GXYLT2: variants seen among roughly 807,000 people sequenced by gnomAD.
GXYLT2 encodes the protein glycosyltransferase 8 domain containing 4.
A neutral mutation model predicts 45.8 loss-of-function variants in GXYLT2; 53 were observed. The ratio of observed to expected loss-of-function variants is 1.16; its 90% CI spans 0.93 to 1.46. The LOEUF is 1.46. GXYLT2 is among the 40% of genes most tolerant of loss of function. The probability of loss-of-function intolerance (pLI) is 0.00; values close to 1 mark genes in which losing one functional copy is unlikely to be tolerated. For missense variants in GXYLT2, 551 were observed against 544.4 expected (o/e 1.01, Z -0.12); for synonymous variants, 219 against 214.2 (o/e 1.02, Z -0.19).
chr3:72,894,841 C>A (rs1709255097), intron 1 of GXYLT2, among the ~76,000 whole-genome samples: 1 of 152,210 alleles, frequency 6.6e-6, no homozygotes, highest in East Asian at 1.9e-4. Flanking sequence ...CTGCCCAGCC[C>A]TTCCCCACTG....
At chr3:72,924,262 T>C (rs1709880155) in intron 3 of GXYLT2, among the ~76,000 whole-genome samples, 1 of 151,258 alleles carries the variant, frequency 6.6e-6, no homozygotes, top group Non-Finnish European at 1.5e-5. Context: ...GGTGCAGTCA[T>C]GGCTTACTGC....
In GXYLT2 at chr3:72,888,466, G is replaced by T; in HGVS notation, c.233G>T (p.Arg78Leu). ...CGCCGGCCCCCGCGTCCGCGCCCCC[G>T]AGCGGGCCGCCGGGGCGCTGCGAGA... ...RRRRPPRPRP[R>L]AGRRGAARLE... is the part of the protein sequence containing the mutation. The change falls in exon 1 of 7, where the codon CGA becomes CTA. Residue 78 changes from arginine (R) to leucine (L), a missense_variant. Physicochemically the swap from Arg to Leu is moderately radical, Grantham distance 102 (BLOSUM62 -2). Transcript: ENST00000389617. 2 of 1,244,016 alleles carry T rather than the reference G, an allele frequency of 1.6e-6. No homozygotes were observed. The highest frequency in any genetic ancestry group is 2.5e-5 in the South Asian group (1 of 40,134). 77.1% of individuals were successfully genotyped at this position (1,244,016 alleles called of 1,614,324 possible). A position where few individuals can be genotyped will look rare whatever the true frequency, so the allele number is the denominator to read the frequency against.
At chr3:72,919,012 A>G (rs975464284) in intron 2 of GXYLT2, among the ~76,000 whole-genome samples, 2 of 152,196 alleles carry the variant, frequency 1.3e-5, no homozygotes, top group African/African-American at 4.8e-5. Context: ...GAGCAACAGG[A>G]ACTCTCATTC....
At chr3:72,889,876 C>T (rs983187636) in intron 1 of GXYLT2, among the ~76,000 whole-genome samples, 1 of 151,394 alleles carries the variant, frequency 6.6e-6, no homozygotes, top group Non-Finnish European at 1.5e-5. Context: ...ACCTTCCCCC[C>T]CACCGCTGTT....
At chr3:72,909,024 C>A (rs997425440) in intron 2 of GXYLT2, among the ~76,000 whole-genome samples, 3 of 151,650 alleles carry the variant, frequency 2.0e-5, no homozygotes, top group African/African-American at 7.3e-5. Context: ...CCATGCCCAG[C>A]CCCCGTTTTT....
intron 3 of GXYLT2, among the ~76,000 whole-genome samples, chr3:72,947,207 A>G (rs951447651): frequency 8.5e-5 from 13 of 152,104 alleles, no homozygotes; most frequent in African/African-American, 3.1e-4. Flanking sequence ...TATCTAAGCA[A>G]AGACAAAGAT....
At chr3:72,949,763 T>A (rs1710481268) in intron 3 of GXYLT2, among the ~76,000 whole-genome samples, 1 of 152,022 alleles carries the variant, frequency 6.6e-6, no homozygotes, top group Admixed American at 6.6e-5. Context: ...TCCGCTCGCC[T>A]TAGCCTCCCA....
intron 3 of GXYLT2, among the ~76,000 whole-genome samples, chr3:72,946,600 C>T (rs1710411945): frequency 6.6e-6 from 1 of 152,138 alleles, no homozygotes; most frequent in Admixed American, 6.6e-5. Flanking sequence ...CCGTGTCCTC[C>T]TGTGGTGGAA....
intron 3 of GXYLT2, among the ~76,000 whole-genome samples, chr3:72,943,684 C>A (rs948711219): frequency 6.6e-6 from 1 of 150,936 alleles, no homozygotes; most frequent in African/African-American, 2.4e-5. Context: ...CCTCTTTTTC[C>A]TGTTCTTTAT....
chr3:72,921,767 T>C (rs911909750), intron 2 of GXYLT2, among the ~76,000 whole-genome samples: 2 of 152,220 alleles, frequency 1.3e-5, no homozygotes, highest in Non-Finnish European at 2.9e-5. Context: ...AGTTCTGTCA[T>C]ACTTAATTGT....
chr3:72,936,957 A>G (rs529159921), intron 3 of GXYLT2, among the ~76,000 whole-genome samples: 6 of 152,340 alleles, frequency 3.9e-5, no homozygotes, highest in African/African-American at 1.4e-4. Context: ...ACACAGAGGT[A>G]TATACCTACA....
intron 1 of GXYLT2, 191 bp from the exon 2 acceptor site, chr3:72,908,176 G>T: frequency 1.8e-6 from 1 of 560,668 alleles, no homozygotes; most frequent in South Asian, 2.4e-5. Flanking sequence ...GCTATTGCCA[G>T]GATAAATATG....
chr3:72,920,323 C>T (rs1709809230), intron 2 of GXYLT2, among the ~76,000 whole-genome samples: 1 of 151,982 alleles, frequency 6.6e-6, no homozygotes, highest in Admixed American at 6.6e-5. Flanking sequence ...TTAGTAGAGA[C>T]CGGGTTTCAC....
chr3:72,953,641 G>C (rs888583949), intron 3 of GXYLT2, among the ~76,000 whole-genome samples: 3 of 152,090 alleles, frequency 2.0e-5, no homozygotes, highest in Non-Finnish European at 4.4e-5. Context: ...GTTATCAGTG[G>C]CTGCTTTCAT....
At chr3:72,974,460 A>G (rs546978404) in intron 6 of GXYLT2, among the ~76,000 whole-genome samples, 75 of 152,316 alleles carry the variant, frequency 4.9e-4, no homozygotes, top group African/African-American at 1.7e-3. Flanking sequence ...TGAAGAATTC[A>G]TTGTTTTGTT....
intron 4 of GXYLT2, among the ~76,000 whole-genome samples, chr3:72,955,611 C>T (rs1035878407): frequency 2.6e-5 from 4 of 152,202 alleles, no homozygotes; most frequent in East Asian, 1.9e-4. Context: ...AATGTTTGAA[C>T]GCTTCATACC....
intron 3 of GXYLT2, among the ~76,000 whole-genome samples, chr3:72,939,190 T>A (rs889853621): frequency 6.6e-6 from 1 of 152,188 alleles, no homozygotes; most frequent in African/African-American, 2.4e-5. Context: ...TAAGAATGCA[T>A]ATTTATTTTA....
At chr3:72,921,553 C>T (rs1026100473) in intron 2 of GXYLT2, among the ~76,000 whole-genome samples, 3 of 152,032 alleles carry the variant, frequency 2.0e-5, no homozygotes, top group Admixed American at 6.6e-5. Flanking sequence ...CTCAGCCTCC[C>T]GAGTAGCTGG....
chr3:72,949,107 A>G (rs1180899648), intron 3 of GXYLT2, among the ~76,000 whole-genome samples: 1 of 152,160 alleles, frequency 6.6e-6, no homozygotes, highest in Non-Finnish European at 1.5e-5. Flanking sequence ...TGTCTGGGTC[A>G]AGTCATTGAA....
Sources: gnomAD v4.1 joint callset for allele counts (sites outside exome capture counted in the v4.1 genomes callset) on GRCh38, gnomAD v4.1.1 for gene constraint, MANE v1.5 for transcripts, NCBI Gene and HGNC (gene_info 2026-07-23, HGNC 2026-07-21) for gene names.